Variants in DOCK2 observed in about 807,000 individuals in gnomAD.
The protein encoded by DOCK2 is dedicator of cytokinesis protein 2.
DOCK2 carries 87 observed loss-of-function variants against 248.9 expected under a neutral mutation model. The ratio of observed to expected loss-of-function variants is 0.35; its 90% CI spans 0.29 to 0.42. The LOEUF is 0.42. Ranked by LOEUF, DOCK2 falls within the 10% of genes least tolerant of loss-of-function variation. The probability of loss-of-function intolerance (pLI) is 1.00; values close to 1 mark genes in which losing one functional copy is unlikely to be tolerated. For missense variants in DOCK2, 1,747 were observed against 2,300.2 expected (o/e 0.76, Z 4.92); for synonymous variants, 805 against 821.6 (o/e 0.98, Z 0.35).
chr5:169,714,535 A>T, intron 19 of DOCK2, 78 bp downstream of exon 19: 3 of 1,470,448 alleles, frequency 2.0e-6, no homozygotes, highest in Non-Finnish European at 2.8e-6. Context: ...GGGGAAAAAC[A>T]AGGTATTGAA....
intron 27 of DOCK2, among the ~76,000 whole-genome samples, chr5:169,970,507 C>T (rs1777464278): frequency 6.6e-6 from 1 of 152,184 alleles, no homozygotes; most frequent in Non-Finnish European, 1.5e-5. Flanking sequence ...GTCAACTCAA[C>T]ACTGTGATCA....
rs372628395 is a variant in DOCK2 at position 169,810,775 on chromosome 5, G to T, written c.2703+7569G>T. On this transcript the variant is annotated intron_variant, in intron 26 of 51. Transcript: ENST00000520908. ...ACTTAGCGCAAGCGACTCCATCTTG[G>T]TTTGATCTGGGCCTAGTGCAGGAGC... is the stretch of plus-strand genomic sequence containing the variant. 9.2e-5 allele frequency among the ~76,000 whole-genome samples: 14 copies of T among 152,210 alleles called. 1 individual carries two copies. In the South Asian group the frequency reaches 2.9e-3, roughly 32 times the overall value.
At position 170,028,445 on chromosome 5, in the gene DOCK2, G is replaced by A. The variant is rs374949382; in HGVS notation, c.3467+497G>A. 71 of 154,624 alleles carry A rather than the reference G, an allele frequency of 4.6e-4. No homozygotes were observed. The South Asian group carries it at 8.7e-3, about 19-fold the overall frequency. 9.6% of individuals were successfully genotyped at this position (154,624 alleles called of 1,614,324 possible). Reference sequence around the variant, plus strand: ...GCACATTGTTCAAGGAAACTAGGACGAGCTAGTGGGGTGGACAAGCTGCAT... The same window carrying A: ...GCACATTGTTCAAGGAAACTAGGACAAGCTAGTGGGGTGGACAAGCTGCAT... On this transcript the variant is annotated intron_variant, in intron 34 of 51. Transcript: ENST00000520908.
chr5:169,659,647 T>C (rs958594631), intron 2 of DOCK2, among the ~76,000 whole-genome samples: 4 of 152,214 alleles, frequency 2.6e-5, no homozygotes, highest in Non-Finnish European at 5.9e-5. Flanking sequence ...AAAACTCACA[T>C]AGTTCAAGAT....
chr5:169,682,006 T>G, intron 7 of DOCK2, 127 bp downstream of exon 7: 1 of 1,316,558 alleles, frequency 7.6e-7, no homozygotes, highest in Non-Finnish European at 1.0e-6. Flanking sequence ...CCTGAGATGA[T>G]CAGCAACCAC....
chr5:169,826,657 A>G (rs139016834), intron 26 of DOCK2, among the ~76,000 whole-genome samples: 60 of 152,320 alleles, frequency 3.9e-4, no homozygotes, highest in African/African-American at 1.4e-3. Flanking sequence ...AGTTTCAAGG[A>G]AAGGGGTTGG....
intron 26 of DOCK2, among the ~76,000 whole-genome samples, chr5:169,823,459 G>A (rs1455036668): frequency 6.6e-6 from 1 of 152,066 alleles, no homozygotes; most frequent in African/African-American, 2.4e-5. Flanking sequence ...TGCAAGGCTG[G>A]TTCAATATAC....
intron 28 of DOCK2, 100 bp from the exon 29 acceptor site, chr5:169,985,728 T>G: frequency 5.9e-6 from 5 of 844,148 alleles, no homozygotes; most frequent in Non-Finnish European, 8.7e-6. Flanking sequence ...CCTTCCCTTT[T>G]CCTCCCTCCA....
intron 14 of DOCK2, among the ~76,000 whole-genome samples, chr5:169,706,353 C>T (rs923667867): frequency 6.6e-6 from 1 of 152,240 alleles, no homozygotes; most frequent in Non-Finnish European, 1.5e-5. Context: ...TGGAAGGCAT[C>T]TAGGTTCTTA....
intron 38 of DOCK2, 62 bp downstream of exon 38, chr5:170,042,194 A>G: frequency 2.0e-6 from 3 of 1,516,978 alleles, no homozygotes; most frequent in Non-Finnish European, 1.8e-6. Context: ...GTTCTCTCCC[A>G]TACCTTACAT....
intron 26 of DOCK2, among the ~76,000 whole-genome samples, chr5:169,834,186 T>G (rs1350666111): frequency 2.3e-5 from 3 of 128,494 alleles, no homozygotes; most frequent in African/African-American, 9.3e-5. Flanking sequence ...CAAGCCCTAC[T>G]CACATGCTCA....
intron 27 of DOCK2, among the ~76,000 whole-genome samples, chr5:169,946,763 C>A (rs1440406591): frequency 1.3e-5 from 2 of 152,226 alleles, no homozygotes; most frequent in African/African-American, 4.8e-5. Context: ...GAAAGTCACA[C>A]AGTAGGATCC....
chr5:169,814,904 C>G (rs1377475427), intron 26 of DOCK2, among the ~76,000 whole-genome samples: 1 of 152,088 alleles, frequency 6.6e-6, no homozygotes, highest in Non-Finnish European at 1.5e-5. Context: ...CTAGAAGGTT[C>G]CATTTGCAAA....
chr5:170,064,362 A>G (rs1757424642), intron 44 of DOCK2, among the ~76,000 whole-genome samples: 1 of 152,148 alleles, frequency 6.6e-6, no homozygotes, highest in Admixed American at 6.5e-5. Flanking sequence ...ATGCTCACCA[A>G]GGACAGGAGA....
intron 28 of DOCK2, among the ~76,000 whole-genome samples, chr5:169,985,073 C>A (rs1361519492): frequency 6.6e-6 from 1 of 152,034 alleles, no homozygotes; most frequent in Non-Finnish European, 1.5e-5. Flanking sequence ...TGCCACCACA[C>A]CCAGATAATT....
chr5:169,696,879 G>A (rs1302912649), intron 10 of DOCK2, among the ~76,000 whole-genome samples: 1 of 151,714 alleles, frequency 6.6e-6, no homozygotes, highest in Non-Finnish European at 1.5e-5. Flanking sequence ...AGTGATATTG[G>A]GCAAGCATTT....
chr5:169,786,298 G>A (rs1219021915), intron 25 of DOCK2, among the ~76,000 whole-genome samples: 2 of 152,166 alleles, frequency 1.3e-5, no homozygotes, highest in African/African-American at 4.8e-5. Flanking sequence ...TCAGTTAGTA[G>A]GGGGGCATCT....
At chr5:169,847,530 C>G (rs1561759843) in intron 27 of DOCK2, among the ~76,000 whole-genome samples, 1 of 152,080 alleles carries the variant, frequency 6.6e-6, no homozygotes, top group Admixed American at 6.6e-5. Flanking sequence ...AGATAATTGG[C>G]TAGTGACTTT....
rs1376440198 is a variant in DOCK2 at position 169,684,183 on chromosome 5, T to G, written c.607-13T>G. Reference sequence around the variant, plus strand: ...TTTCTCCATCTTCTTTCCTTCTTCCTTCTGCCTTTCAGTCAAAAGACCAGC... The same window carrying G: ...TTTCTCCATCTTCTTTCCTTCTTCCGTCTGCCTTTCAGTCAAAAGACCAGC... On this transcript the variant is annotated splice_polypyrimidine_tract_variant and intron_variant, in intron 7 of 51. Transcript: ENST00000520908. The G allele has an allele frequency of 1.2e-6, 2 of 1,613,386 alleles. No homozygotes were observed. The highest frequency in any genetic ancestry group is 2.7e-5 in the African/African-American group (2 of 74,926).
Sources: gnomAD v4.1 joint callset for allele counts (sites outside exome capture counted in the v4.1 genomes callset) on GRCh38, gnomAD v4.1.1 for gene constraint, MANE v1.5 for transcripts, NCBI Gene and HGNC (gene_info 2026-07-23, HGNC 2026-07-21) for gene names.